CNTNAP2: variants seen among roughly 807,000 people sequenced by gnomAD.
CNTNAP2 encodes the protein contactin associated protein 2, also known as contactin-associated protein-like 2.
CNTNAP2 carries 98 observed loss-of-function variants against 155.2 expected under a neutral mutation model. The observed-to-expected ratio is 0.63, with a 90% CI of 0.54 to 0.75. The LOEUF is 0.75. Among genes scored for constraint, CNTNAP2 ranks in the 30% least tolerant of loss-of-function variants. The pLI, the probability that CNTNAP2 is intolerant of heterozygous loss-of-function variation, is 0.00. For synonymous variants in CNTNAP2, 651 were observed against 631.2 expected, an observed-to-expected ratio of 1.03 and a Z score of -0.47; for missense variants, 1,727 against 1,688.1, an observed-to-expected ratio of 1.02 and a Z score of -0.40.
chr7:146,379,917 T>G (rs181502979), intron 1 of CNTNAP2, among the ~76,000 whole-genome samples: 142 of 152,336 alleles, frequency 9.3e-4, no homozygotes, highest in African/African-American at 2.8e-3. Context: ...GCTAAGCATT[T>G]GTTTCCTACT....
At chr7:148,004,099 T>C (rs1015175356) in intron 15 of CNTNAP2, among the ~76,000 whole-genome samples, 1 of 152,208 alleles carries the variant, frequency 6.6e-6, no homozygotes, top group Non-Finnish European at 1.5e-5. Flanking sequence ...AATGAAGTTA[T>C]ATAGCTAATA....
chr7:147,245,742 A>G (rs959535746), intron 8 of CNTNAP2, among the ~76,000 whole-genome samples: 1 of 141,104 alleles, frequency 7.1e-6, no homozygotes, highest in Non-Finnish European at 1.5e-5. Context: ...AGCCTAGGCA[A>G]AAGAGTAAGA....
chr7:148,387,002 C>G (rs75079094), intron 22 of CNTNAP2, among the ~76,000 whole-genome samples: 6,436 of 152,234 alleles, frequency 0.042, 178 homozygotes, highest in African/African-American at 0.074. Flanking sequence ...ATCTCTGTAT[C>G]TCATTCATGG....
chr7:146,329,296 A>G (rs946494129), intron 1 of CNTNAP2, among the ~76,000 whole-genome samples: 1 of 152,182 alleles, frequency 6.6e-6, no homozygotes. Flanking sequence ...TTTTAAAATA[A>G]CTTTAACCTA....
Position 146,598,939 on chromosome 7 carries a change from C to G in CNTNAP2, c.98-175332C>G, listed in dbSNP as rs531388467. On this transcript the variant is annotated intron_variant, in intron 1 of 23. Coordinates refer to ENST00000361727, the MANE Select transcript of CNTNAP2 (RefSeq NM_014141.6). ...AAATGCACTAAAAATGAAAATCCTT[C>G]CAATTCCCCAAAAGCCTCTTTGTTC... is the stretch of plus-strand genomic sequence containing the variant. 1.1e-4 allele frequency among the ~76,000 whole-genome samples: 16 copies of G among 152,210 alleles called. No homozygotes were observed. The East Asian group carries it at 2.7e-3, about 26-fold the overall frequency.
At chr7:147,383,892 A>G (rs1456965990) in intron 9 of CNTNAP2, among the ~76,000 whole-genome samples, 1 of 152,172 alleles carries the variant, frequency 6.6e-6, no homozygotes, top group Non-Finnish European at 1.5e-5. Context: ...CCCAACACAC[A>G]CATATGTAAC....
chr7:147,308,443 G>T (rs1156255502), intron 9 of CNTNAP2, among the ~76,000 whole-genome samples: 2 of 152,202 alleles, frequency 1.3e-5, no homozygotes, highest in Admixed American at 1.3e-4. Flanking sequence ...TAGCAGTGGA[G>T]CCAGTAGGTA....
At chr7:146,356,100 T>C (rs1174274095) in intron 1 of CNTNAP2, among the ~76,000 whole-genome samples, 1 of 145,776 alleles carries the variant, frequency 6.9e-6, no homozygotes, top group Non-Finnish European at 1.5e-5. Flanking sequence ...CACACGGGAG[T>C]TTACAACCAT....
intron 21 of CNTNAP2, among the ~76,000 whole-genome samples, chr7:148,294,610 TTTC>T (rs1484776138): frequency 2.0e-5 from 3 of 152,206 alleles, no homozygotes; most frequent in Non-Finnish European, 4.4e-5. Context: ...ATCAGTCCAC[TTTC>T]TTGTCTATTT....
chr7:148,059,090 G>C (rs1359942146), intron 15 of CNTNAP2, among the ~76,000 whole-genome samples: 1 of 151,878 alleles, frequency 6.6e-6, no homozygotes, highest in Non-Finnish European at 1.5e-5. Flanking sequence ...AGACCAACCT[G>C]GCCAATGTGA....
rs79297369 is a variant in CNTNAP2 at position 148,113,184 on chromosome 7, C to T, written c.2384-4934C>T. Among the ~76,000 whole-genome samples, 454 of 152,280 alleles carry T rather than the reference C, an allele frequency of 3.0e-3. 4 individuals are homozygous for T. The highest frequency in any genetic ancestry group is 9.8e-3 in the African/African-American group (407 of 41,550). The stretch of plus-strand genomic sequence containing the variant: ...AAAGAGGTTTAATTGGTTCACAGTT[C>T]CCGCAGGCTGTACAGGAAGCATGAT... On this transcript the variant is annotated intron_variant, in intron 15 of 23. Coordinates refer to ENST00000361727, the MANE Select transcript of CNTNAP2 (RefSeq NM_014141.6).
chr7:147,197,920 T>C (rs1471971501), intron 8 of CNTNAP2, among the ~76,000 whole-genome samples: 1 of 152,196 alleles, frequency 6.6e-6, no homozygotes, highest in Admixed American at 6.5e-5. Context: ...ATTTGAAGAC[T>C]TTTGCAGAAA....
chr7:147,867,478 A>G (rs1240454160), intron 13 of CNTNAP2, among the ~76,000 whole-genome samples: 1 of 152,016 alleles, frequency 6.6e-6, no homozygotes, highest in East Asian at 1.9e-4. Flanking sequence ...GTATTTCCTG[A>G]ATTTGAATGT....
At chr7:146,711,103 T>C (rs1455536628) in intron 1 of CNTNAP2, among the ~76,000 whole-genome samples, 1 of 151,402 alleles carries the variant, frequency 6.6e-6, no homozygotes, top group Non-Finnish European at 1.5e-5. Context: ...TTCTCCTGTA[T>C]ATGCACACAC....
At chr7:148,182,808 G>C (rs1025634300) in intron 18 of CNTNAP2, among the ~76,000 whole-genome samples, 2 of 152,190 alleles carry the variant, frequency 1.3e-5, no homozygotes, top group African/African-American at 4.8e-5. Flanking sequence ...ATTTTCTCAA[G>C]AGGACTGGGC....
chr7:146,727,571 C>A (rs1350846167), intron 1 of CNTNAP2, among the ~76,000 whole-genome samples: 6 of 152,138 alleles, frequency 3.9e-5, no homozygotes, highest in Non-Finnish European at 4.4e-5. Context: ...TTTGGATAGC[C>A]TCGTTGTGAT....
At chr7:146,904,374 G>A (rs1796072642) in intron 3 of CNTNAP2, among the ~76,000 whole-genome samples, 1 of 152,194 alleles carries the variant, frequency 6.6e-6, no homozygotes, top group Admixed American at 6.5e-5. Flanking sequence ...GCCACGAAAT[G>A]TGGCAGGTTT....
chr7:147,319,247 C>A (rs1584870060), intron 9 of CNTNAP2, among the ~76,000 whole-genome samples: 2 of 152,060 alleles, frequency 1.3e-5, no homozygotes, highest in Non-Finnish European at 2.9e-5. Context: ...CTTCTTAATT[C>A]TTTAAAAACA....
chr7:147,108,027 A>G (rs1488910667), intron 4 of CNTNAP2, 120 bp from the exon 5 acceptor site: 5 of 845,480 alleles, frequency 5.9e-6, no homozygotes, highest in African/African-American at 5.1e-5. Flanking sequence ...AAAACAGAGG[A>G]CTGTCAATTT....
Sources: gnomAD v4.1 joint callset for allele counts (sites outside exome capture counted in the v4.1 genomes callset) on GRCh38, gnomAD v4.1.1 for gene constraint, MANE v1.5 for transcripts, NCBI Gene and HGNC (gene_info 2026-07-23, HGNC 2026-07-21) for gene names.